The following NAALADL2 variants were observed in gnomAD, a reference collection of about 807,000 sequenced individuals.
NAALADL2 encodes N-acetylated alpha-linked acidic dipeptidase like 2.
A neutral mutation model predicts 87.2 loss-of-function variants in NAALADL2; 76 were observed. The ratio of observed to expected loss-of-function variants is 0.87; its 90% CI spans 0.72 to 1.05. NAALADL2 has a LOEUF of 1.05. Among genes scored for constraint, NAALADL2 ranks in the 50% least tolerant of loss-of-function variants. NAALADL2 has a pLI of 0.00. For missense variants in NAALADL2, 1,089 were observed against 945.8 expected, an observed-to-expected ratio of 1.15 and a Z score of -1.99; for synonymous variants, 354 against 331.0, an observed-to-expected ratio of 1.07 and a Z score of -0.75.
At chr3:175,714,677 G>T (rs1740993398) in intron 11 of NAALADL2, among the ~76,000 whole-genome samples, 1 of 152,132 alleles carries the variant, frequency 6.6e-6, no homozygotes, top group Non-Finnish European at 1.5e-5. Flanking sequence ...AATTCTGTAG[G>T]TTGCCTGTTC....
At chr3:174,683,573 G>C (rs1018248922) in intron 2 of NAALADL2, among the ~76,000 whole-genome samples, 1 of 151,758 alleles carries the variant, frequency 6.6e-6, no homozygotes, top group Admixed American at 6.6e-5. Context: ...TAGATAGATA[G>C]ATAATATAGA....
intron 11 of NAALADL2, among the ~76,000 whole-genome samples, chr3:175,677,347 GTGAGACT>G (rs1734933987): frequency 6.6e-6 from 1 of 151,480 alleles, no homozygotes; most frequent in East Asian, 1.9e-4. Context: ...TGGCAACAGA[GTGAGACT>G]CTGTCAAAAA....
At chr3:175,229,668 C>A (rs1744660173) in intron 2 of NAALADL2, among the ~76,000 whole-genome samples, 1 of 151,922 alleles carries the variant, frequency 6.6e-6, no homozygotes, top group African/African-American at 2.4e-5. Flanking sequence ...AAGACCCCAA[C>A]ACTTAATACT....
At chr3:175,028,245 G>A (rs1752433158) in intron 1 of NAALADL2, among the ~76,000 whole-genome samples, 2 of 151,972 alleles carry the variant, frequency 1.3e-5, no homozygotes, top group African/African-American at 4.8e-5. Flanking sequence ...AAGTTGCTCT[G>A]AAACATGTAC....
chr3:174,796,751 G>A (rs528423216), intron 3 of NAALADL2, among the ~76,000 whole-genome samples: 1 of 152,008 alleles, frequency 6.6e-6, no homozygotes, highest in Non-Finnish European at 1.5e-5. Flanking sequence ...GAGCATTTTT[G>A]TATATTTTTG....
chr3:175,288,271 T>C (rs1449380376), intron 4 of NAALADL2, among the ~76,000 whole-genome samples: 1 of 152,124 alleles, frequency 6.6e-6, no homozygotes, highest in South Asian at 2.1e-4. Flanking sequence ...GATGGTAACA[T>C]TTTTGTTCTA....
chr3:175,535,725 T>C (rs1281814379), intron 9 of NAALADL2, among the ~76,000 whole-genome samples: 1 of 152,180 alleles, frequency 6.6e-6, no homozygotes, highest in Non-Finnish European at 1.5e-5. Flanking sequence ...ACATATACTT[T>C]AAATGTTGGG....
At chr3:175,552,935 A>AT (rs2149493913) in intron 9 of NAALADL2, among the ~76,000 whole-genome samples, 1 of 152,222 alleles carries the variant, frequency 6.6e-6, no homozygotes. Context: ...CAAATAGGTT[A>AT]TTTTTATATA....
At chr3:174,518,789 G>C (rs1720086467) in intron 1 of NAALADL2, among the ~76,000 whole-genome samples, 1 of 152,144 alleles carries the variant, frequency 6.6e-6, no homozygotes, top group South Asian at 2.1e-4. Flanking sequence ...CCATTAAAAA[G>C]TTTAGATATA....
intron 11 of NAALADL2, among the ~76,000 whole-genome samples, chr3:175,735,477 A>G (rs1744371993): frequency 6.6e-6 from 1 of 152,186 alleles, no homozygotes; most frequent in African/African-American, 2.4e-5. Context: ...TGATAAAGAC[A>G]TATCCAAGAC....
At chr3:175,500,361 GA>G (rs949063127) in intron 9 of NAALADL2, among the ~76,000 whole-genome samples, 1 of 151,138 alleles carries the variant, frequency 6.6e-6, no homozygotes, top group Non-Finnish European at 1.5e-5. Context: ...GTGTAGTGTG[GA>G]AAAAAAAATT....
chr3:174,628,689 C>A (rs1721830345), intron 2 of NAALADL2, among the ~76,000 whole-genome samples: 1 of 151,986 alleles, frequency 6.6e-6, no homozygotes, highest in Non-Finnish European at 1.5e-5. Flanking sequence ...CTTTTCTAAC[C>A]TTTTATAGCA....
intron 2 of NAALADL2, among the ~76,000 whole-genome samples, chr3:174,683,776 C>T (rs1245111236): frequency 6.6e-6 from 1 of 151,554 alleles, no homozygotes; most frequent in Non-Finnish European, 1.5e-5. Flanking sequence ...AATGTTAATT[C>T]AACTTGATAA....
At chr3:175,524,555 A>G (rs896248090) in intron 9 of NAALADL2, among the ~76,000 whole-genome samples, 7 of 152,140 alleles carry the variant, frequency 4.6e-5, no homozygotes, top group African/African-American at 1.4e-4. Flanking sequence ...TCTTCCTTAT[A>G]TAGTTTATAC....
In NAALADL2 at chr3:174,686,165, A is replaced by G. The variant is rs147512302; in HGVS notation, c.-114-51476A>G. Among the ~76,000 whole-genome samples the G allele has an allele frequency of 1.9e-3, 286 of 152,182 alleles. 1 individual carries two copies. The highest frequency in any genetic ancestry group is 6.7e-3 in the African/African-American group (278 of 41,532). On this transcript the variant is annotated intron_variant, in intron 2 of 3. Coordinates refer to the NAALADL2 transcript ENST00000434257. ...ATGTCTTTCTGATAGAATGATATAT[A>G]TTCCTTTGGGCGTATACCCTTTAAT...
chr3:174,657,694 C>A (rs1461283023), intron 2 of NAALADL2, among the ~76,000 whole-genome samples: 1 of 152,136 alleles, frequency 6.6e-6, no homozygotes, highest in African/African-American at 2.4e-5. Context: ...AGGGTTTGTA[C>A]AAACTTATAA....
At chr3:174,490,538 G>A (rs899494405) in intron 1 of NAALADL2, among the ~76,000 whole-genome samples, 15 of 152,088 alleles carry the variant, frequency 9.9e-5, no homozygotes, top group African/African-American at 3.4e-4. Flanking sequence ...TGGGTGAATT[G>A]TGTTGTATGT....
intron 2 of NAALADL2, among the ~76,000 whole-genome samples, chr3:175,166,266 AC>A (rs1733991533): frequency 6.6e-6 from 1 of 151,990 alleles, no homozygotes; most frequent in Non-Finnish European, 1.5e-5. Context: ...AAACACACAA[AC>A]AAAAATTGAC....
At chr3:174,591,168 G>A (rs1717321729) in intron 2 of NAALADL2, among the ~76,000 whole-genome samples, 1 of 152,180 alleles carries the variant, frequency 6.6e-6, no homozygotes, top group East Asian at 1.9e-4. Context: ...TTAATCTTGA[G>A]ATGGACAAAT....
Sources: allele counts gnomAD v4.1 joint callset (sites outside exome capture counted in the v4.1 genomes callset), GRCh38; gene constraint gnomAD v4.1.1; transcripts MANE v1.5; gene names NCBI Gene and HGNC (gene_info 2026-07-23, HGNC 2026-07-21).